HMGCL: variants seen among roughly 807,000 people sequenced by gnomAD.
HMGCL encodes 3-hydroxy-3-methylglutaryl-CoA lyase.
In HMGCL, 26 loss-of-function variants were observed where a neutral mutation model predicts 37.3. The observed-to-expected ratio is 0.70, with a 90% confidence interval of 0.51 to 0.97. The LOEUF is 0.97. HMGCL is among the 50% of genes least tolerant of loss of function. HMGCL has a pLI of 0.00. For missense variants in HMGCL, 379 were observed against 398.1 expected (o/e 0.95, Z 0.41); for synonymous variants, 151 against 148.0 (o/e 1.02, Z -0.15).
chr1:23,814,309 G>A lies in HMGCL; in HGVS notation c.378C>T (p.Ile126=), dbSNP rs2148422513. 1.2e-6 allele frequency: 2 copies of A among 1,613,654 alleles called. No individual in the cohort carries two copies. The highest frequency in any genetic ancestry group is 8.5e-7 in the Non-Finnish European group (1 of 1,179,916). The change falls in exon 5 of 9, where the codon ATC becomes ATT. Residue 126 remains isoleucine (I), a synonymous_variant. Coordinates refer to ENST00000374490, the MANE Select transcript of HMGCL (RefSeq NM_000191.3). ...TGAAGAGCTCTGAGGCAGCTCCAAA[G>A]ATGACTACTTCCTTGGCTCCAGCAG... ...AVAAGAKEVV[I]FGAASELFTK...
At chr1:23,802,935 A>T (rs1233297283) in intron 8 of HMGCL, among the ~76,000 whole-genome samples, 5 of 152,198 alleles carry the variant, frequency 3.3e-5, no homozygotes, top group Admixed American at 3.3e-4. Context: ...AAAAACACCA[A>T]CTGAAAGGGC....
chr1:23,820,446 TCA>T, intron 2 of HMGCL, 62 bp downstream of exon 2: 1 of 1,102,240 alleles, frequency 9.1e-7, no homozygotes, highest in Non-Finnish European at 1.4e-6. Context: ...ATTGCACCTA[TCA>T]CACGTAATAC....
At chr1:23,819,058 A>G (rs1422404866) in intron 2 of HMGCL, among the ~76,000 whole-genome samples, 1 of 143,844 alleles carries the variant, frequency 7.0e-6, no homozygotes, top group Non-Finnish European at 1.5e-5. Flanking sequence ...AGCTTTTCTT[A>G]TTGAAAAAAT....
At chr1:23,804,016 C>G (rs964597614) in intron 8 of HMGCL, 2 of 234,696 alleles carry the variant, frequency 8.5e-6, no homozygotes, top group Non-Finnish European at 1.7e-5. Flanking sequence ...ACACTCCAGC[C>G]TTCTTATGCC....
intron 2 of HMGCL, among the ~76,000 whole-genome samples, chr1:23,819,845 TG>T (rs1638680913): frequency 1.3e-5 from 2 of 151,840 alleles, no homozygotes; most frequent in African/African-American, 2.4e-5. Context: ...ATTACAGGCA[TG>T]AGCCACCACC....
At chr1:23,810,828 C>A in intron 5 of HMGCL, 29 bp from the exon 6 acceptor site, 2 of 1,600,978 alleles carry the variant, frequency 1.2e-6, no homozygotes, top group South Asian at 2.2e-5. Flanking sequence ...GGAATGAGGT[C>A]AGTGTCCTGA....
intron 7 of HMGCL, among the ~76,000 whole-genome samples, chr1:23,807,588 G>C (rs1638435436): frequency 6.6e-6 from 1 of 152,166 alleles, no homozygotes; most frequent in Admixed American, 6.5e-5. Flanking sequence ...ACTAATCTGA[G>C]GTCTTAGCTC....
At position 23,806,110 on chromosome 1, in the gene HMGCL, C is replaced by G. The variant is rs1474298365; in HGVS notation, c.751-1585G>C. 6.6e-6 allele frequency among the ~76,000 whole-genome samples: 1 copy of G among 152,144 alleles called. No individual in the cohort carries two copies. Among genetic ancestry groups the G allele is most frequent in the Non-Finnish European group, 1.5e-5 (1 of 68,032 alleles). On this transcript the variant is annotated intron_variant, in intron 7 of 8. Coordinates refer to ENST00000374490, the MANE Select transcript of HMGCL (RefSeq NM_000191.3). This position sits in a 1 kb window ranked among gnomAD's most constrained non-coding sequence, Gnocchi z 4.0. ...GGGATTACAGGCTCACGCCACCACG[C>G]CCAGCTAATTTTTATATTTTTAGTT...
chr1:23,808,165 T>C lies in HMGCL; in HGVS notation c.720A>G (p.Gln240=), dbSNP rs911190800. ...GGGCCATCAAGGTGTTGGCCAGGGCTTGACCATAGGTGTCATGGCAGTGGA... is the reference window on the plus strand; with the variant it reads ...GGGCCATCAAGGTGTTGGCCAGGGCCTGACCATAGGTGTCATGGCAGTGGA... ...LAVHCHDTYG[Q]ALANTLMALQ... Residue 240 remains glutamine, a synonymous_variant, in exon 7 of 9, where the codon CAA becomes CAG. Transcript: ENST00000374490. 1.2e-5 allele frequency: 20 copies of C among 1,613,992 alleles called. No individual in the cohort carries two copies. Among genetic ancestry groups the C allele is most frequent in the Admixed American group, 1.0e-4 (6 of 59,998 alleles).
At chr1:23,817,384 A>T in intron 3 of HMGCL, 92 bp downstream of exon 3, 2 of 773,546 alleles carry the variant, frequency 2.6e-6, no homozygotes, top group Non-Finnish European at 4.7e-6. Flanking sequence ...AGGGGCTTGG[A>T]AACCTATGTT....
intron 7 of HMGCL, among the ~76,000 whole-genome samples, chr1:23,804,919 CTCAG>C (rs1336251122): frequency 6.9e-6 from 1 of 143,990 alleles, no homozygotes; most frequent in Non-Finnish European, 1.5e-5. Flanking sequence ...GCTACTCTCA[CTCAG>C]TCAGGGCCTT....
intron 1 of HMGCL, among the ~76,000 whole-genome samples, chr1:23,824,756 G>A (rs1207066126): frequency 6.6e-6 from 1 of 152,204 alleles, no homozygotes; most frequent in Non-Finnish European, 1.5e-5. Flanking sequence ...GAAAGTGGCA[G>A]AACTATTGGG....
intron 8 of HMGCL, among the ~76,000 whole-genome samples, chr1:23,803,327 G>A (rs1194935596): frequency 1.3e-5 from 2 of 152,126 alleles, no homozygotes; most frequent in African/African-American, 2.4e-5. Flanking sequence ...TCAGTCTCCC[G>A]AGTAGCTGGG....
intron 2 of HMGCL, among the ~76,000 whole-genome samples, chr1:23,819,547 G>A (rs1638673768): frequency 2.0e-5 from 3 of 152,050 alleles, no homozygotes; most frequent in Admixed American, 1.3e-4. Context: ...CGGCCAACCT[G>A]GTGAAACCCC....
intron 8 of HMGCL, 122 bp from the exon 9 acceptor site, chr1:23,802,686 C>G: frequency 1.4e-6 from 1 of 739,514 alleles, no homozygotes; most frequent in South Asian, 1.4e-5. Context: ...CAGGCTTTTT[C>G]CTTGACAGCG....
chr1:23,801,903 C>A lies in HMGCL; in HGVS notation c.*560G>T. Reference sequence around the variant, plus strand: ...GCTGGAATTATGATGTGCCATTCAACCTTTAATTACATAAGCTGTTTTCAA... The same window carrying A: ...GCTGGAATTATGATGTGCCATTCAAACTTTAATTACATAAGCTGTTTTCAA... On this transcript the variant is annotated 3_prime_UTR_variant, in exon 9 of 9. Coordinates refer to ENST00000374490, the MANE Select transcript of HMGCL (RefSeq NM_000191.3). 2 of 419,072 alleles carry A rather than the reference C, an allele frequency of 4.8e-6. No homozygotes were observed. Among genetic ancestry groups the A allele is most frequent in the Non-Finnish European group, 4.2e-6 (1 of 236,722 alleles). The allele number at this position is 419,072 out of a possible 1,614,324, so 26.0% of individuals were successfully genotyped here.
intron 4 of HMGCL, 143 bp from the exon 5 acceptor site, chr1:23,814,481 C>T: frequency 2.2e-6 from 2 of 909,262 alleles, no homozygotes; most frequent in South Asian, 1.4e-5. Context: ...AGCGATTCTC[C>T]TGCCTCAGCC....
chr1:23,808,091 G>A, intron 7 of HMGCL, 44 bp downstream of exon 7: 1 of 1,533,996 alleles, frequency 6.5e-7, no homozygotes, highest in East Asian at 2.2e-5. Context: ...AAGCTGTCCT[G>A]CCCACCGTGA....
chr1:23,822,699 G>A (rs140952296), intron 1 of HMGCL, among the ~76,000 whole-genome samples: 6 of 152,272 alleles, frequency 3.9e-5, no homozygotes, highest in Non-Finnish European at 8.8e-5. Context: ...GAAGGTCCCT[G>A]CAACTTGAAT....
Sources: gnomAD v4.1 joint callset for allele counts (sites outside exome capture counted in the v4.1 genomes callset) on GRCh38, gnomAD v4.1.1 for gene constraint, Gnocchi (gnomAD v3.1) non-coding constraint, MANE v1.5 for transcripts, NCBI Gene and HGNC (gene_info 2026-07-23, HGNC 2026-07-21) for gene names.